Variants in TTC28 observed in about 807,000 individuals in gnomAD.
TTC28 encodes the protein tetratricopeptide repeat domain 28.
Under a neutral mutation model 198.0 loss-of-function variants are expected in TTC28, and 61 were observed. That is an observed-to-expected ratio of 0.31 (90% confidence interval 0.25 to 0.38). The LOEUF (loss-of-function observed/expected upper bound fraction) is 0.38. TTC28 is among the 10% of genes least tolerant of loss of function. The pLI, the probability that TTC28 is intolerant of heterozygous loss-of-function variation, is 1.00. For synonymous variants in TTC28, 1,171 were observed against 1,297.8 expected, an observed-to-expected ratio of 0.90 and a Z score of 2.10; for missense variants, 2,678 against 3,164.0, an observed-to-expected ratio of 0.85 and a Z score of 3.69.
At chr22:28,388,253 T>C (rs919760790) in intron 2 of TTC28, among the ~76,000 whole-genome samples, 1 of 152,234 alleles carries the variant, frequency 6.6e-6, no homozygotes, top group Non-Finnish European at 1.5e-5. Flanking sequence ...TGTAGCCTTG[T>C]AGTATAGTTT....
chr22:28,582,891 A>C (rs895675812), intron 2 of TTC28, among the ~76,000 whole-genome samples: 4 of 152,332 alleles, frequency 2.6e-5, no homozygotes, highest in Admixed American at 6.5e-5. Context: ...ACATGGGTAC[A>C]TTCCAGGTGA....
chr22:28,653,611 A>G (rs2051598047), intron 1 of TTC28, among the ~76,000 whole-genome samples: 1 of 151,986 alleles, frequency 6.6e-6, no homozygotes, highest in South Asian at 2.1e-4. Context: ...CATTATCACA[A>G]ACTTTCTTAT....
chr22:28,422,743 C>CCTATTATA (rs2047280294), intron 2 of TTC28, among the ~76,000 whole-genome samples: 1 of 151,988 alleles, frequency 6.6e-6, no homozygotes, highest in South Asian at 2.1e-4. Context: ...CCGCACCCAG[C>CCTATTATA]CAAATAAGTT....
intron 2 of TTC28, among the ~76,000 whole-genome samples, chr22:28,572,179 C>CA (rs761717479): frequency 0.013 from 1,539 of 116,436 alleles, 13 homozygotes; most frequent in Admixed American, 0.033. Context: ...ACTGAAAATA[C>CA]AAAAAAAAAA....
At chr22:28,161,824 G>A (rs1485196167) in intron 6 of TTC28, among the ~76,000 whole-genome samples, 3 of 143,450 alleles carry the variant, frequency 2.1e-5, no homozygotes, top group African/African-American at 5.2e-5. Flanking sequence ...GAGGGAAGGA[G>A]GGAGGGAGGG....
intron 5 of TTC28, among the ~76,000 whole-genome samples, chr22:28,242,873 G>A (rs1929760211): frequency 6.6e-6 from 1 of 151,844 alleles, no homozygotes; most frequent in Admixed American, 6.6e-5. Flanking sequence ...ATCAAATTGG[G>A]CAGGCATGAC....
intron 2 of TTC28, among the ~76,000 whole-genome samples, chr22:28,562,736 C>T (rs911859117): frequency 6.6e-6 from 1 of 152,118 alleles, no homozygotes; most frequent in Non-Finnish European, 1.5e-5. Context: ...ACAAATCTTA[C>T]CATCAAAAAT....
At chr22:28,519,173 C>A (rs182399051) in intron 2 of TTC28, among the ~76,000 whole-genome samples, 2 of 152,118 alleles carry the variant, frequency 1.3e-5, no homozygotes, top group Non-Finnish European at 2.9e-5. Context: ...AAGAAGATGA[C>A]TGAAAATTTT....
At chr22:28,152,695 T>C (rs1158681899) in intron 6 of TTC28, among the ~76,000 whole-genome samples, 1 of 152,236 alleles carries the variant, frequency 6.6e-6, no homozygotes, top group African/African-American at 2.4e-5. Flanking sequence ...TATGACCCCA[T>C]ATATCATTCT....
chr22:28,019,715 T>C (rs1190178096), intron 13 of TTC28, among the ~76,000 whole-genome samples: 5 of 152,208 alleles, frequency 3.3e-5, no homozygotes, highest in Non-Finnish European at 5.9e-5. Flanking sequence ...AGAGTGTATA[T>C]AGTATTGCTC....
chr22:28,249,382 T>C (rs533503198), intron 5 of TTC28, among the ~76,000 whole-genome samples: 60 of 152,266 alleles, frequency 3.9e-4, no homozygotes, highest in African/African-American at 1.3e-3. Flanking sequence ...TCTCATAGGA[T>C]AGCAAGGCAA....
intron 5 of TTC28, among the ~76,000 whole-genome samples, chr22:28,166,032 G>C (rs889170619): frequency 1.3e-5 from 2 of 152,166 alleles, no homozygotes; most frequent in African/African-American, 4.8e-5. Flanking sequence ...TGCAATCCTA[G>C]TCTCGGGTAA....
chr22:28,115,106 A>T (rs1218739679), intron 6 of TTC28, among the ~76,000 whole-genome samples: 1 of 152,102 alleles, frequency 6.6e-6, no homozygotes, highest in African/African-American at 2.4e-5. Context: ...AAGTGGCAGG[A>T]TTGTTACTAA....
At chr22:28,590,082 T>A (rs1265033545) in intron 2 of TTC28, among the ~76,000 whole-genome samples, 6 of 128,686 alleles carry the variant, frequency 4.7e-5, no homozygotes, top group Admixed American at 7.9e-5. Flanking sequence ...CCTGAAACTA[T>A]AACTTCCTAT....
intron 2 of TTC28, among the ~76,000 whole-genome samples, chr22:28,610,428 T>C (rs1339505154): frequency 1.3e-5 from 2 of 152,192 alleles, no homozygotes; most frequent in African/African-American, 2.4e-5. Flanking sequence ...CAGCTTCTGC[T>C]GGTGATACTC....
intron 2 of TTC28, among the ~76,000 whole-genome samples, chr22:28,329,387 T>C (rs1353155753): frequency 1.3e-5 from 2 of 152,192 alleles, no homozygotes; most frequent in Non-Finnish European, 2.9e-5. Flanking sequence ...AGTCACATCA[T>C]ACTGCTGACA....
chr22:28,066,322 T>TGTGC (rs1940751675), intron 12 of TTC28, among the ~76,000 whole-genome samples: 1 of 151,632 alleles, frequency 6.6e-6, no homozygotes, highest in African/African-American at 2.4e-5. Context: ...TGTGTGTGTG[T>TGTGC]GCGCGCGCGC....
chr22:28,124,603 C>G (rs1409404855), intron 6 of TTC28, among the ~76,000 whole-genome samples: 3 of 152,198 alleles, frequency 2.0e-5, no homozygotes, highest in African/African-American at 4.8e-5. Context: ...CCCAGGAAGT[C>G]TGATTCTATA....
chr22:28,563,831 C>T (rs2049928538), intron 2 of TTC28, among the ~76,000 whole-genome samples: 1 of 152,136 alleles, frequency 6.6e-6, no homozygotes, highest in African/African-American at 2.4e-5. Flanking sequence ...CAAACAAATA[C>T]ATGTACATAC....
Sources: allele counts gnomAD v4.1 joint callset (sites outside exome capture counted in the v4.1 genomes callset), GRCh38; gene constraint gnomAD v4.1.1; transcripts MANE v1.5; gene names NCBI Gene and HGNC (gene_info 2026-07-23, HGNC 2026-07-21).